Variants in MMP16 observed in about 807,000 individuals in gnomAD.
MMP16 encodes matrix metallopeptidase 16.
MMP16 carries 12 observed loss-of-function variants against 67.8 expected under a neutral mutation model. The ratio of observed to expected loss-of-function variants is 0.18; its 90% CI spans 0.11 to 0.29. The LOEUF is 0.29. Among genes scored for constraint, MMP16 ranks in the 10% least tolerant of loss-of-function variants. MMP16 has a pLI of 1.00. For missense variants in MMP16, 475 were observed against 765.7 expected, an observed-to-expected ratio of 0.62 and a Z score of 4.48; for synonymous variants, 249 against 255.9, an observed-to-expected ratio of 0.97 and a Z score of 0.26.
chr8:88,126,097 G>C (rs1247728887), intron 4 of MMP16, among the ~76,000 whole-genome samples: 2 of 151,756 alleles, frequency 1.3e-5, no homozygotes, highest in African/African-American at 4.8e-5. Flanking sequence ...ACAAATATAT[G>C]ACAAAAACTC....
chr8:88,250,168 C>T (rs1232775709), intron 1 of MMP16, among the ~76,000 whole-genome samples: 1 of 151,918 alleles, frequency 6.6e-6, no homozygotes, highest in Non-Finnish European at 1.5e-5. Flanking sequence ...ATTCTCAGTA[C>T]CCAAAATGTT....
At chr8:88,225,770 C>A (rs1809759492) in intron 1 of MMP16, among the ~76,000 whole-genome samples, 1 of 151,998 alleles carries the variant, frequency 6.6e-6, no homozygotes, top group South Asian at 2.1e-4. Flanking sequence ...TTTCACTTCT[C>A]CCATAAGCCA....
intron 1 of MMP16, among the ~76,000 whole-genome samples, chr8:88,210,127 C>T (rs1264672363): frequency 1.3e-5 from 2 of 152,088 alleles, no homozygotes; most frequent in Admixed American, 6.6e-5. Flanking sequence ...GACTTCTAGC[C>T]TCCAAAACTG....
intron 1 of MMP16, among the ~76,000 whole-genome samples, chr8:88,210,420 C>T (rs1183000985): frequency 4.6e-5 from 7 of 152,274 alleles, no homozygotes; most frequent in African/African-American, 1.2e-4. Context: ...TACAAGGGCT[C>T]GCTAAGTGGG....
rs1188720068 is a variant in MMP16, at chr8:88,311,989, A to G, written c.132+15086T>C. ...ATTAGAAGTAGAGAGTAAGGGGCAG[A>G]AAACTGGGGATTTGGTGCCCACTCT... On this transcript the variant is annotated intron_variant, in intron 1 of 9. Transcript: ENST00000286614. Among the ~76,000 whole-genome samples, 6 of 152,194 alleles carry G rather than the reference A, an allele frequency of 3.9e-5. No individual in the cohort carries two copies. In the East Asian group the frequency reaches 1.2e-3, roughly 29 times the overall value.
At chr8:88,110,971 C>T (rs1453743941) in intron 6 of MMP16, among the ~76,000 whole-genome samples, 1 of 151,626 alleles carries the variant, frequency 6.6e-6, no homozygotes, top group Admixed American at 6.6e-5. Context: ...ATCAGATATA[C>T]TTAGCAAATA....
At chr8:88,119,852 T>G (rs1807789258) in intron 4 of MMP16, among the ~76,000 whole-genome samples, 1 of 152,114 alleles carries the variant, frequency 6.6e-6, no homozygotes, top group Non-Finnish European at 1.5e-5. Flanking sequence ...ATATTTCACA[T>G]GAATACTTGC....
intron 1 of MMP16, among the ~76,000 whole-genome samples, chr8:88,217,660 C>T (rs577439810): frequency 6.6e-6 from 1 of 152,084 alleles, no homozygotes; most frequent in Admixed American, 6.6e-5. Context: ...ATGCCACAGA[C>T]AGTTGAAGAT....
chr8:88,262,012 G>A (rs997413823), intron 1 of MMP16, among the ~76,000 whole-genome samples: 2 of 152,158 alleles, frequency 1.3e-5, no homozygotes, highest in Non-Finnish European at 2.9e-5. Context: ...GCTCATTAAG[G>A]CAAAGGACTA....
chr8:88,202,674 C>T (rs1809362257), intron 1 of MMP16, among the ~76,000 whole-genome samples: 1 of 151,448 alleles, frequency 6.6e-6, no homozygotes, highest in African/African-American at 2.4e-5. Flanking sequence ...CAAAACAAGA[C>T]CAAAATAAAA....
At position 88,327,452 on chromosome 8, in the gene MMP16, G is replaced by A; in HGVS notation, c.-246C>T. 1 of 480,530 alleles carries A rather than the reference G, an allele frequency of 2.1e-6. No homozygotes were observed. The highest frequency in any genetic ancestry group is 3.8e-6 in the Non-Finnish European group (1 of 261,602). The allele number at this position is 480,530 out of a possible 1,614,324, so 29.8% of individuals were successfully genotyped here. On this transcript the variant is annotated 5_prime_UTR_variant, in exon 1 of 10. In the 5' UTR this introduces an upstream ATG that the reference lacks. Transcript: ENST00000286614. ...TCCTCCGGGGTCAGTCACCGGGAAC[G>A]TGGCGCCTAAGTTCACCGGCGGTTC...
intron 1 of MMP16, among the ~76,000 whole-genome samples, chr8:88,221,798 G>GA (rs1270145088): frequency 6.6e-6 from 1 of 151,500 alleles, no homozygotes; most frequent in Non-Finnish European, 1.5e-5. Context: ...AGAAAGTGAA[G>GA]AAAAAAGCAA....
At chr8:88,137,313 C>T (rs945401605) in intron 4 of MMP16, among the ~76,000 whole-genome samples, 3 of 151,896 alleles carry the variant, frequency 2.0e-5, no homozygotes, top group African/African-American at 7.2e-5. Context: ...CTCCTCCCCC[C>T]CAAAACCCAA....
chr8:88,100,893 C>T lies in MMP16; in HGVS notation c.1083+15614G>A, dbSNP rs186781662. Among the ~76,000 whole-genome samples the T allele has an allele frequency of 2.6e-4, 40 of 151,316 alleles. 1 individual carries two copies. Among genetic ancestry groups the T allele is most frequent in the African/African-American group, 8.2e-4 (34 of 41,214 alleles). ...ATTGCAAGAACAAAAAACCAAACAC[C>T]GCATGTTCTCACTCATAGGTGGGAA... is the stretch of plus-strand genomic sequence containing the variant. On this transcript the variant is annotated intron_variant, in intron 6 of 9. Transcript: ENST00000286614.
chr8:88,278,529 A>G (rs1218416365), intron 1 of MMP16, among the ~76,000 whole-genome samples: 1 of 152,198 alleles, frequency 6.6e-6, no homozygotes, highest in Non-Finnish European at 1.5e-5. Flanking sequence ...AAGACACATC[A>G]AGCTTATAGC....
intron 4 of MMP16, among the ~76,000 whole-genome samples, chr8:88,162,880 G>A (rs897052429): frequency 9.2e-5 from 14 of 152,118 alleles, no homozygotes; most frequent in African/African-American, 2.9e-4. Flanking sequence ...CTCCCATACA[G>A]CATGTAGAAC....
chr8:88,151,019 T>G (rs1233738940), intron 4 of MMP16, among the ~76,000 whole-genome samples: 2 of 140,692 alleles, frequency 1.4e-5, no homozygotes, highest in African/African-American at 5.4e-5. Context: ...TGGAGGAAGA[T>G]CTACCAAGCA....
chr8:88,133,796 G>A (rs1038907949), intron 4 of MMP16, among the ~76,000 whole-genome samples: 1 of 151,618 alleles, frequency 6.6e-6, no homozygotes, highest in African/African-American at 2.4e-5. Context: ...AATTATCATG[G>A]TTCGCATTAT....
chr8:88,187,112 C>A (rs1454648884), intron 2 of MMP16, among the ~76,000 whole-genome samples: 1 of 152,154 alleles, frequency 6.6e-6, no homozygotes, highest in Non-Finnish European at 1.5e-5. Flanking sequence ...ATATTCATTT[C>A]TCTACCTTTT....
Sources: allele counts gnomAD v4.1 joint callset (sites outside exome capture counted in the v4.1 genomes callset), GRCh38; gene constraint gnomAD v4.1.1; transcripts MANE v1.5; gene names NCBI Gene and HGNC (gene_info 2026-07-23, HGNC 2026-07-21).